The following CPPED1 variants were observed in gnomAD, a reference collection of about 807,000 sequenced individuals.
The protein encoded by CPPED1 is calcineurin like phosphoesterase domain containing 1.
Under a neutral mutation model 28.0 loss-of-function variants are expected in CPPED1, and 28 were observed. That is an observed-to-expected ratio of 1.00 (90% confidence interval 0.74 to 1.37). CPPED1 has a LOEUF of 1.37. Among genes scored for constraint, CPPED1 ranks in the 40% most tolerant of loss-of-function variants. The pLI is 0.00. For synonymous variants in CPPED1, 198 were observed against 180.2 expected, an observed-to-expected ratio of 1.10 and a Z score of -0.79; for missense variants, 504 against 416.5, an observed-to-expected ratio of 1.21 and a Z score of -1.83.
At chr16:12,708,756 T>C (rs996694347) in intron 2 of CPPED1, among the ~76,000 whole-genome samples, 7 of 152,212 alleles carry the variant, frequency 4.6e-5, no homozygotes, top group Admixed American at 2.6e-4. Context: ...ACAAAGATCA[T>C]AGCACAACTT....
chr16:12,777,512 CA>C (rs1376162344), intron 2 of CPPED1, among the ~76,000 whole-genome samples: 2 of 152,346 alleles, frequency 1.3e-5, no homozygotes, highest in East Asian at 3.9e-4. Context: ...TTGCTACTTA[CA>C]ATGTGGCTTA....
At chr16:12,689,479 C>T (rs568577696) in intron 3 of CPPED1, among the ~76,000 whole-genome samples, 3 of 150,394 alleles carry the variant, frequency 2.0e-5, no homozygotes, top group South Asian at 4.3e-4. Flanking sequence ...ATCCTCCCAC[C>T]TTGGCCTCCC....
intron 1 of CPPED1, among the ~76,000 whole-genome samples, chr16:12,787,815 C>T (rs535445146): frequency 6.6e-6 from 1 of 152,274 alleles, no homozygotes; most frequent in African/African-American, 2.4e-5. Flanking sequence ...TTCAAACAAC[C>T]CACATTTATT....
chr16:12,769,499 G>A (rs545153200), intron 2 of CPPED1, among the ~76,000 whole-genome samples: 1 of 152,124 alleles, frequency 6.6e-6, no homozygotes, highest in African/African-American at 2.4e-5. Context: ...ATGCTGGCAG[G>A]GGTGGAAGGG....
chr16:12,789,142 A>C (rs1271892438), intron 1 of CPPED1, among the ~76,000 whole-genome samples: 1 of 152,148 alleles, frequency 6.6e-6, no homozygotes, highest in Non-Finnish European at 1.5e-5. Context: ...TCAGACCCAA[A>C]TGAAGCATGC....
At chr16:12,795,349 CT>C (rs111945418) in intron 1 of CPPED1, among the ~76,000 whole-genome samples, 62 of 148,208 alleles carry the variant, frequency 4.2e-4, no homozygotes, top group East Asian at 2.2e-3. Flanking sequence ...AGTCATGCAA[CT>C]TTTTTTTTTT....
chr16:12,791,437 C>A (rs368790447), intron 1 of CPPED1, among the ~76,000 whole-genome samples: 10 of 152,142 alleles, frequency 6.6e-5, no homozygotes, highest in East Asian at 3.8e-4. Context: ...AAGACTGGCT[C>A]CCTCCCTAGA....
chr16:12,698,305 T>C (rs185878280), intron 3 of CPPED1, among the ~76,000 whole-genome samples: 171 of 152,314 alleles, frequency 1.1e-3, no homozygotes, highest in African/African-American at 3.8e-3. Context: ...TTCTGTTTCC[T>C]GGAGGAATCA....
chr16:12,757,795 T>C (rs1014306630), intron 2 of CPPED1: 2 of 149,798 alleles, frequency 1.3e-5, no homozygotes, highest in Admixed American at 1.4e-4. Flanking sequence ...GATTAAAACA[T>C]TGTGTAATTA....
chr16:12,761,497 A>G (rs1336362801), intron 2 of CPPED1, among the ~76,000 whole-genome samples: 1 of 152,154 alleles, frequency 6.6e-6, no homozygotes, highest in African/African-American at 2.4e-5. Context: ...TACTATGACG[A>G]GTACTATTAT....
At chr16:12,769,112 G>A (rs751347950) in intron 2 of CPPED1, among the ~76,000 whole-genome samples, 4 of 152,054 alleles carry the variant, frequency 2.6e-5, no homozygotes, top group South Asian at 4.2e-4. Flanking sequence ...TGATCCACCC[G>A]CCTCAGCCTC....
intron 3 of CPPED1, among the ~76,000 whole-genome samples, chr16:12,694,888 C>T (rs1191680128): frequency 6.6e-6 from 1 of 152,098 alleles, no homozygotes; most frequent in African/African-American, 2.4e-5. Context: ...AGCGATTCTC[C>T]TGCTTCAGCC....
intron 2 of CPPED1, among the ~76,000 whole-genome samples, chr16:12,708,333 T>C (rs1238154575): frequency 2.0e-5 from 3 of 152,118 alleles, no homozygotes; most frequent in Non-Finnish European, 4.4e-5. Context: ...TTGGTTCCTC[T>C]GAGTCTTGGT....
At chr16:12,688,427 C>G (rs1388936440) in intron 3 of CPPED1, among the ~76,000 whole-genome samples, 1 of 150,592 alleles carries the variant, frequency 6.6e-6, no homozygotes, top group African/African-American at 2.5e-5. Context: ...CCACCTCTTC[C>G]TGGGTTGAAG....
intron 3 of CPPED1, among the ~76,000 whole-genome samples, chr16:12,676,952 G>A (rs1388094961): frequency 6.6e-6 from 1 of 152,128 alleles, no homozygotes; most frequent in Non-Finnish European, 1.5e-5. Context: ...AAGTGTTGAA[G>A]CAGGATCTGA....
At chr16:12,716,433 C>T (rs993505192) in intron 2 of CPPED1, among the ~76,000 whole-genome samples, 2 of 152,202 alleles carry the variant, frequency 1.3e-5, no homozygotes, top group African/African-American at 2.4e-5. Flanking sequence ...CAAGTCCCTT[C>T]GCTGGAAGGA....
At chr16:12,741,024 C>G (rs1268179104) in intron 2 of CPPED1, among the ~76,000 whole-genome samples, 2 of 152,200 alleles carry the variant, frequency 1.3e-5, no homozygotes, top group Non-Finnish European at 2.9e-5. Flanking sequence ...TAATCCACAT[C>G]TCTAAGGAGC....
intron 2 of CPPED1, among the ~76,000 whole-genome samples, chr16:12,730,086 T>C (rs1240413800): frequency 6.6e-6 from 1 of 152,148 alleles, no homozygotes; most frequent in Non-Finnish European, 1.5e-5. Flanking sequence ...GGTTTCAAAC[T>C]CTTGGCCTGA....
intron 3 of CPPED1, among the ~76,000 whole-genome samples, chr16:12,690,909 C>T (rs967575390): frequency 3.9e-5 from 6 of 152,204 alleles, no homozygotes; most frequent in African/African-American, 1.2e-4. Flanking sequence ...AGCTCCTTTC[C>T]TGAGGCAGCC....
Sources: gnomAD v4.1 joint callset for allele counts (sites outside exome capture counted in the v4.1 genomes callset) on GRCh38, gnomAD v4.1.1 for gene constraint, MANE v1.5 for transcripts, NCBI Gene and HGNC (gene_info 2026-07-23, HGNC 2026-07-21) for gene names.